The following NXPE4 variants were observed in gnomAD, a reference collection of about 807,000 sequenced individuals.
The protein encoded by NXPE4 is NXPE family member 4.
NXPE4 carries 42 observed loss-of-function variants against 33.3 expected under a neutral mutation model. That is an observed-to-expected ratio of 1.26 (90% CI 0.98 to 1.63). The LOEUF (loss-of-function observed/expected upper bound fraction) is 1.63. Ranked by LOEUF, NXPE4 falls within the 40% of genes most tolerant of loss-of-function variation. NXPE4 has a pLI of 0.00. For missense variants in NXPE4, 709 were observed against 647.6 expected (o/e 1.09, Z -1.03); for synonymous variants, 253 against 234.9 (o/e 1.08, Z -0.71).
the NXPE4 span, among the ~76,000 whole-genome samples, chr11:114,637,635 A>G: frequency 0.013 from 1,909 of 150,404 alleles, 29 homozygotes; most frequent in African/African-American, 0.044. Flanking sequence ...CGCTTCCTTC[A>G]GGAGCTCTTT....
chr11:114,583,003 A>G lies in NXPE4; in HGVS notation c.115T>C (p.Leu39=). The G allele has an allele frequency of 6.2e-7, 1 of 1,611,234 alleles. No individual in the cohort carries two copies. The change falls in exon 3 of 6, where the codon TTA becomes CTA. Residue 39 remains leucine, a synonymous_variant. Coordinates refer to ENST00000375478, the MANE Select transcript of NXPE4 (RefSeq NM_001077639.2). ...NSTKVWSALN[L]SISLHYWNNS... The stretch of plus-strand genomic sequence containing the variant: ...TTCCAGTAATGGAGGGAGATGGATA[A>G]GTTTAGAGCAGACCAAACCTGAAAT...
the NXPE4 span, among the ~76,000 whole-genome samples, chr11:114,624,410 C>A: frequency 1.3e-5 from 2 of 151,998 alleles, no homozygotes; most frequent in African/African-American, 2.4e-5. Flanking sequence ...TCATTGGTAA[C>A]CACTGTTACC....
At chr11:114,656,584 A>G in the NXPE4 span, among the ~76,000 whole-genome samples, 1 of 152,120 alleles carries the variant, frequency 6.6e-6, no homozygotes, top group Non-Finnish European at 1.5e-5. Flanking sequence ...TAATTGCATG[A>G]AAAATATTTA....
the NXPE4 span, among the ~76,000 whole-genome samples, chr11:114,675,117 A>T: frequency 2.0e-5 from 3 of 151,688 alleles, no homozygotes; most frequent in Non-Finnish European, 4.4e-5. Context: ...TGAGAAAAAA[A>T]CTCTAAAAAA....
chr11:114,661,865 A>G, the NXPE4 span, among the ~76,000 whole-genome samples: 8 of 152,314 alleles, frequency 5.3e-5, no homozygotes, highest in East Asian at 1.5e-3. Context: ...CTCTGTATAT[A>G]CCCACATGTA....
chr11:114,571,404 T>C lies in NXPE4; in HGVS notation c.1169A>G (p.Asn390Ser). Residue 390 changes from asparagine to serine, a missense_variant, in exon 6 of 6, where the codon AAC becomes AGC. Physicochemically the swap from Asn to Ser is conservative, Grantham distance 46. Coordinates refer to ENST00000375478, the MANE Select transcript of NXPE4 (RefSeq NM_001077639.2). ...ATATTTTTGCCACTGGATGTTGATG[T>C]TCCTATCCAAATCCACAGCAAGCTG... Reference protein sequence around the residue: ...QHQLAVDLDRNINIQWQKYCY... With the variant: ...QHQLAVDLDRSINIQWQKYCY... 1 of 1,613,620 alleles carries C rather than the reference T, an allele frequency of 6.2e-7. No homozygotes were observed. The highest frequency in any genetic ancestry group is 8.5e-7 in the Non-Finnish European group (1 of 1,179,584).
At chr11:114,589,337 G>T (rs946895243) in intron 2 of NXPE4, among the ~76,000 whole-genome samples, 12 of 151,622 alleles carry the variant, frequency 7.9e-5, no homozygotes, top group African/African-American at 2.2e-4. Context: ...TCTGGAAACT[G>T]AAGGAAGGAA....
chr11:114,649,227 T>C, the NXPE4 span, among the ~76,000 whole-genome samples: 1 of 152,148 alleles, frequency 6.6e-6, no homozygotes, highest in African/African-American at 2.4e-5. Context: ...TAGTTTTCCA[T>C]GGACCTTAAT....
At chr11:114,628,928 T>C in the NXPE4 span, among the ~76,000 whole-genome samples, 4 of 151,900 alleles carry the variant, frequency 2.6e-5, no homozygotes, top group East Asian at 5.8e-4. Flanking sequence ...CTAGAAGAAA[T>C]GGATAAATTC....
At chr11:114,598,525 A>G (rs1431456885), upstream of NXPE4, among the ~76,000 whole-genome samples, 1 of 152,192 alleles carries the variant, frequency 6.6e-6, no homozygotes, top group Non-Finnish European at 1.5e-5. Context: ...AGGCTTTTCC[A>G]TACATCCTCT....
chr11:114,651,589 G>A, the NXPE4 span, among the ~76,000 whole-genome samples: 1 of 152,174 alleles, frequency 6.6e-6, no homozygotes, highest in Non-Finnish European at 1.5e-5. Flanking sequence ...ATTTGGCTCT[G>A]CCCACATCCT....
the NXPE4 span, among the ~76,000 whole-genome samples, chr11:114,610,353 A>G: frequency 6.6e-6 from 1 of 151,818 alleles, no homozygotes; most frequent in East Asian, 1.9e-4. Flanking sequence ...ATGAGTAACC[A>G]CTGTTACCCA....
chr11:114,663,586 C>CATCT, the NXPE4 span, among the ~76,000 whole-genome samples: 10,707 of 132,816 alleles, frequency 0.081, 576 homozygotes, highest in Middle Eastern at 0.12. Flanking sequence ...CTCTATCTAT[C>CATCT]ATCTATCTAT....
the NXPE4 span, among the ~76,000 whole-genome samples, chr11:114,674,457 A>G: frequency 6.6e-6 from 1 of 151,782 alleles, no homozygotes; most frequent in Non-Finnish European, 1.5e-5. Flanking sequence ...CAAAGTTGTT[A>G]GCACTTTAAA....
chr11:114,625,405 C>A, the NXPE4 span, among the ~76,000 whole-genome samples: 2 of 152,146 alleles, frequency 1.3e-5, no homozygotes, highest in Non-Finnish European at 2.9e-5. Context: ...ATAAGTATTG[C>A]CTCATGGGCA....
chr11:114,605,008 A>C, the NXPE4 span, among the ~76,000 whole-genome samples: 13 of 151,588 alleles, frequency 8.6e-5, no homozygotes, highest in Admixed American at 3.9e-4. Context: ...GCATTGCCTC[A>C]CAGGTAACCA....
At chr11:114,643,092 C>T in the NXPE4 span, among the ~76,000 whole-genome samples, 1 of 152,100 alleles carries the variant, frequency 6.6e-6, no homozygotes, top group African/African-American at 2.4e-5. Flanking sequence ...CCTTTGCCCA[C>T]ATTTTGATGG....
At chr11:114,646,519 T>A in the NXPE4 span, among the ~76,000 whole-genome samples, 3 of 152,026 alleles carry the variant, frequency 2.0e-5, no homozygotes, top group Admixed American at 1.3e-4. Context: ...AACAATGTAA[T>A]TTTTTAAAAA....
chr11:114,633,179 T>A, the NXPE4 span, among the ~76,000 whole-genome samples: 1 of 128,922 alleles, frequency 7.8e-6, no homozygotes, highest in African/African-American at 3.0e-5. Flanking sequence ...ATAATTTATA[T>A]GATTATATTT....
Sources: allele counts gnomAD v4.1 joint callset (sites outside exome capture counted in the v4.1 genomes callset), GRCh38; gene constraint gnomAD v4.1.1; transcripts MANE v1.5; gene names NCBI Gene and HGNC (gene_info 2026-07-23, HGNC 2026-07-21).